PER3: variants seen among roughly 807,000 people sequenced by gnomAD.
PER3 encodes the protein period circadian protein homolog 3.
Under a neutral mutation model 127.2 loss-of-function variants are expected in PER3, and 107 were observed. The ratio of observed to expected loss-of-function variants is 0.84; its 90% CI spans 0.72 to 0.99. The LOEUF is 0.99. PER3 is among the 50% of genes least tolerant of loss of function. PER3 has a pLI of 0.00. For synonymous variants in PER3, 618 were observed against 585.8 expected, an observed-to-expected ratio of 1.05 and a Z score of -0.79; for missense variants, 1,560 against 1,525.8, an observed-to-expected ratio of 1.02 and a Z score of -0.37.
At chr1:7,788,273 A>T (rs187039908) in intron 5 of PER3, 27 bp downstream of exon 5, 1 of 1,444,990 alleles carries the variant, frequency 6.9e-7, no homozygotes, top group East Asian at 2.3e-5. Flanking sequence ...TCAGATGTCT[A>T]TCTTTCCTCA....
intron 12 of PER3, 149 bp from the exon 13 acceptor site, chr1:7,810,289 G>A: frequency 1.5e-6 from 1 of 651,350 alleles, no homozygotes; most frequent in South Asian, 2.1e-5. Flanking sequence ...GTATACTGTG[G>A]CATGGTGCAG....
intron 5 of PER3, among the ~76,000 whole-genome samples, chr1:7,791,058 A>G (rs2097117693): frequency 6.6e-6 from 1 of 152,152 alleles, no homozygotes; most frequent in South Asian, 2.1e-4. Context: ...TGGTGGATCT[A>G]CCATTCTTAG....
At chr1:7,795,609 G>A (rs1165500456) in intron 6 of PER3, among the ~76,000 whole-genome samples, 2 of 152,258 alleles carry the variant, frequency 1.3e-5, no homozygotes, top group Non-Finnish European at 2.9e-5. Context: ...TGCCTGGCCT[G>A]TGGGAGGAGT....
rs2097083133 is a variant in PER3, at chr1:7,785,492, A to G, written c.180A>G (p.Gln60=). The G allele has an allele frequency of 1.2e-6, 2 of 1,612,338 alleles. No homozygotes were observed. Among genetic ancestry groups the G allele is most frequent in the African/African-American group, 1.3e-5 (1 of 74,892 alleles). ...RVSEELIMVV[Q]EMKKYFPSER... is the part of the protein sequence containing the mutation. The stretch of plus-strand genomic sequence containing the variant: ...CTGAAGAACTTATCATGGTTGTCCA[A>G]GAAATGAAAAAATACTTCCCCTCGG... Residue 60 remains glutamine, a synonymous_variant, in exon 3 of 22, where the codon CAA becomes CAG. Transcript: ENST00000377532.
chr1:7,813,888 ACTAT>A (rs1390477991), intron 13 of PER3, among the ~76,000 whole-genome samples: 1 of 152,220 alleles, frequency 6.6e-6, no homozygotes, highest in Non-Finnish European at 1.5e-5. Flanking sequence ...AGAAGTTGGA[ACTAT>A]CTGACAGGGA....
chr1:7,811,917 G>A (rs2097220816), intron 13 of PER3, among the ~76,000 whole-genome samples: 1 of 152,008 alleles, frequency 6.6e-6, no homozygotes, highest in Admixed American at 6.6e-5. Flanking sequence ...TACATGTAAG[G>A]GCACAAGATA....
chr1:7,794,643 G>A (rs908173663), intron 6 of PER3, among the ~76,000 whole-genome samples: 1 of 151,894 alleles, frequency 6.6e-6, no homozygotes, highest in African/African-American at 2.4e-5. Flanking sequence ...TTGTTTTTCA[G>A]TCACATTTAA....
intron 17 of PER3, 84 bp from the exon 18 acceptor site, chr1:7,827,034 T>C: frequency 9.6e-7 from 1 of 1,043,074 alleles, no homozygotes; most frequent in Non-Finnish European, 1.4e-6. Context: ...ATTCGTCAGC[T>C]ACTTATAACT....
At chr1:7,840,828 G>A (rs1348258496) in intron 21 of PER3, among the ~76,000 whole-genome samples, 1 of 150,460 alleles carries the variant, frequency 6.6e-6, no homozygotes, top group Non-Finnish European at 1.5e-5. Context: ...GTCTGGTCTT[G>A]AACTCCTGGG....
intron 21 of PER3, among the ~76,000 whole-genome samples, chr1:7,837,356 T>C (rs919299466): frequency 6.6e-6 from 1 of 152,198 alleles, no homozygotes; most frequent in Non-Finnish European, 1.5e-5. Flanking sequence ...ATGCAGTTCA[T>C]TGGGTTTTGA....
intron 5 of PER3, among the ~76,000 whole-genome samples, chr1:7,789,678 T>G (rs944997855): frequency 6.6e-6 from 1 of 152,210 alleles, no homozygotes; most frequent in African/African-American, 2.4e-5. Context: ...GTGAAACAGA[T>G]CTCCATAACT....
chr1:7,787,193 CT>C, intron 4 of PER3: 1 of 670,262 alleles, frequency 1.5e-6, no homozygotes, highest in Non-Finnish European at 1.9e-6. Flanking sequence ...TTATATCATT[CT>C]TAGTTCCAAT....
At chr1:7,785,608 T>C in intron 3 of PER3, 22 bp downstream of exon 3, 2 of 1,604,624 alleles carry the variant, frequency 1.2e-6, no homozygotes, top group Non-Finnish European at 8.5e-7. Context: ...GGAGAGAAAT[T>C]TCATCCTACG....
rs1558391012 is a variant in PER3 at position 7,793,939 on chromosome 1, AGG to A, written c.593-17_593-16del. On this transcript the variant is annotated splice_polypyrimidine_tract_variant and intron_variant, in intron 5 of 21. Coordinates refer to ENST00000377532, the MANE Select transcript of PER3 (RefSeq NM_001377275.1). ...CCTGGATAAGAGGGAGTGACTGACC[AGG>A]CATCTTTCTTTCTAGCAGCTGCACG... 3 of 1,609,310 alleles carry A rather than the reference AGG, an allele frequency of 1.9e-6. No individual in the cohort carries two copies. The highest frequency in any genetic ancestry group is 2.6e-6 in the Non-Finnish European group (3 of 1,175,576).
rs536019020 is a variant in PER3 at position 7,805,141 on chromosome 1, T to TA, written c.1136+1294dup. Among the ~76,000 whole-genome samples the TA allele has an allele frequency of 2.2e-4, 33 of 152,328 alleles. 1 individual carries two copies. The South Asian group carries it at 6.6e-3, about 31-fold the overall frequency. ...CCTTGGCCTCCCAAAGTGCTGGGCT[T>TA]ACAGGTGTGAGCCATCACGCCCAAC... is the stretch of plus-strand genomic sequence containing the variant. On this transcript the variant is annotated intron_variant, in intron 10 of 21. Coordinates refer to ENST00000377532, the MANE Select transcript of PER3 (RefSeq NM_001377275.1).
chr1:7,803,647 A>G (rs1054514202), intron 9 of PER3, 45 bp from the exon 10 acceptor site: 16 of 1,211,186 alleles, frequency 1.3e-5, no homozygotes, highest in East Asian at 2.4e-5. Context: ...TGTAATCAGT[A>G]TCTGTGTTAA....
chr1:7,789,140 A>AATATGTATATATAT (rs1553301248), intron 5 of PER3, among the ~76,000 whole-genome samples: 1 of 133,236 alleles, frequency 7.5e-6, no homozygotes, highest in Non-Finnish European at 1.7e-5. Context: ...AGAGCTTTAA[A>AATATGTATATATAT]ATATATATAT....
At chr1:7,801,036 A>C in intron 7 of PER3, 77 bp from the exon 8 acceptor site, 1 of 846,048 alleles carries the variant, frequency 1.2e-6, no homozygotes, top group East Asian at 2.5e-5. Flanking sequence ...TCTCTTTTTA[A>C]TATGTTAAGT....
intron 20 of PER3, chr1:7,836,752 A>T: frequency 3.1e-6 from 1 of 326,538 alleles, no homozygotes. Flanking sequence ...GCCCCTTCTA[A>T]AAAGAGCTAA....
Sources: allele counts gnomAD v4.1 joint callset (sites outside exome capture counted in the v4.1 genomes callset), GRCh38; gene constraint gnomAD v4.1.1; transcripts MANE v1.5; gene names NCBI Gene and HGNC (gene_info 2026-07-23, HGNC 2026-07-21).